Variants in RASSF3 observed in about 807,000 individuals in gnomAD.
RASSF3 encodes ras association domain-containing protein 3.
RASSF3 carries 19 observed loss-of-function variants against 19.9 expected under a neutral mutation model. The observed-to-expected ratio is 0.96, with a 90% CI of 0.67 to 1.40. The LOEUF is 1.40. RASSF3 is among the 40% of genes most tolerant of loss of function. The pLI is 0.00. For missense variants in RASSF3, 306 were observed against 289.8 expected (o/e 1.06, Z -0.41); for synonymous variants, 110 against 104.2 (o/e 1.06, Z -0.34).
chr12:64,691,104 C>T (rs1045683591), intron 3 of RASSF3, among the ~76,000 whole-genome samples: 2 of 151,824 alleles, frequency 1.3e-5, no homozygotes, highest in African/African-American at 2.4e-5. Context: ...TCAGGTGACC[C>T]GCCCACCTCG....
At chr12:64,558,499 G>A (rs766222451) in intron 2 of RASSF3, among the ~76,000 whole-genome samples, 4 of 152,134 alleles carry the variant, frequency 2.6e-5, no homozygotes, top group Non-Finnish European at 4.4e-5. Flanking sequence ...AGTTCATAGT[G>A]GGCAGTTCTG....
At chr12:64,638,865 C>G (rs1871415325) in intron 1 of RASSF3, among the ~76,000 whole-genome samples, 1 of 152,216 alleles carries the variant, frequency 6.6e-6, no homozygotes, top group South Asian at 2.1e-4. Flanking sequence ...AGCTGCTGAA[C>G]ACGCCATAGT....
intron 1 of RASSF3, among the ~76,000 whole-genome samples, chr12:64,650,272 G>A (rs1444960143): frequency 6.6e-6 from 1 of 152,186 alleles, no homozygotes; most frequent in African/African-American, 2.4e-5. Flanking sequence ...CAAAGAGGAA[G>A]CAGTGCCTCA....
At chr12:64,536,261 C>T (rs900875352) in intron 1 of RASSF3, among the ~76,000 whole-genome samples, 4 of 148,868 alleles carry the variant, frequency 2.7e-5, no homozygotes, top group African/African-American at 7.4e-5. Context: ...CTGCCCGCCT[C>T]GGCCTCCCAA....
At chr12:64,531,292 C>T (rs1868703640), upstream of RASSF3, among the ~76,000 whole-genome samples, 1 of 152,192 alleles carries the variant, frequency 6.6e-6, no homozygotes, top group Non-Finnish European at 1.5e-5. Flanking sequence ...ATTGTCCCAG[C>T]ACCATTTTTC....
intron 1 of RASSF3, chr12:64,622,555 A>T (rs1565852670): frequency 1.9e-6 from 1 of 518,176 alleles, no homozygotes; most frequent in Admixed American, 2.0e-5. Flanking sequence ...GGTTTTTGCC[A>T]TTACTTTCAG....
At chr12:64,641,414 A>ACACACACACACACATGCGCGCGCGCGCG in intron 1 of RASSF3, among the ~76,000 whole-genome samples, 23 of 142,194 alleles carry the variant, frequency 1.6e-4, no homozygotes, top group African/African-American at 6.4e-4. Context: ...ACACACACAC[A>ACACACACACACACATGCGCGCGCGCGCG]CGCGCGCGCG....
intron 2 of RASSF3, among the ~76,000 whole-genome samples, chr12:64,584,500 T>TATGA (rs769887317): frequency 2.1e-5 from 1 of 47,332 alleles, no homozygotes; most frequent in East Asian, 3.8e-4. Context: ...AGGTCCAGGC[T>TATGA]AAGAAAAAAA....
At chr12:64,524,618 T>TA (rs745638078) in intron 1 of RASSF3, among the ~76,000 whole-genome samples, 50 of 152,150 alleles carry the variant, frequency 3.3e-4, no homozygotes, top group Non-Finnish European at 4.7e-4. Context: ...TGCCCAGATC[T>TA]AAAAAAAGGG....
intron 1 of RASSF3, among the ~76,000 whole-genome samples, chr12:64,641,419 C>CACACACACACACAT (rs769330728): frequency 2.7e-3 from 400 of 150,754 alleles, no homozygotes; most frequent in Admixed American, 3.8e-3. Context: ...CACACACGCG[C>CACACACACACACAT]GCGCGCGCGT....
intron 1 of RASSF3, among the ~76,000 whole-genome samples, chr12:64,670,301 G>A (rs1229776888): frequency 6.7e-6 from 1 of 150,194 alleles, no homozygotes; most frequent in Admixed American, 6.6e-5. Context: ...ATTGCATTGT[G>A]TTTATTTTTA....
intron 1 of RASSF3, among the ~76,000 whole-genome samples, chr12:64,663,850 T>C (rs1057277020): frequency 2.2e-5 from 3 of 136,026 alleles, no homozygotes; most frequent in African/African-American, 1.1e-4. Context: ...CTTTTTTTTT[T>C]TTTTTTTTTT....
At chr12:64,601,673 C>T (rs894699019) in intron 2 of RASSF3, among the ~76,000 whole-genome samples, 3 of 151,482 alleles carry the variant, frequency 2.0e-5, no homozygotes, top group African/African-American at 4.9e-5. Context: ...AATTAGCTGG[C>T]GTGATGGTGC....
At chr12:64,637,439 T>TC (rs1348230200) in intron 1 of RASSF3, among the ~76,000 whole-genome samples, 1 of 151,414 alleles carries the variant, frequency 6.6e-6, no homozygotes, top group Admixed American at 6.6e-5. Context: ...TTTTTTTTTT[T>TC]TTGAGACAGA....
At chr12:64,518,603 G>T (rs1430016351) in intron 1 of RASSF3, among the ~76,000 whole-genome samples, 1 of 152,208 alleles carries the variant, frequency 6.6e-6, no homozygotes, top group Non-Finnish European at 1.5e-5. Flanking sequence ...ATTTGAAGGG[G>T]ACAAACATGC....
chr12:64,552,167 T>G (rs1319231603), intron 2 of RASSF3, among the ~76,000 whole-genome samples: 1 of 152,008 alleles, frequency 6.6e-6, no homozygotes, highest in African/African-American at 2.4e-5. Context: ...AAATTTACTT[T>G]GGGGAGCCAG....
At chr12:64,670,404 A>G (rs1409065471) in intron 1 of RASSF3, among the ~76,000 whole-genome samples, 3 of 147,722 alleles carry the variant, frequency 2.0e-5, no homozygotes, top group Non-Finnish European at 4.5e-5. Flanking sequence ...AAAGATGTAC[A>G]GACTGAGGAG....
intron 1 of RASSF3, chr12:64,541,505 CA>C: frequency 2.5e-6 from 1 of 397,590 alleles, no homozygotes. Flanking sequence ...GGAGGGGGTT[CA>C]ATTTCCCTTG....
rs183618528 is a variant in RASSF3, at chr12:64,597,970, T to C, written c.294+56265T>C. ...TCTCACTCTGTCACCCAGGCTGGAG[T>C]GCAGTGGTGCAATCTCAGTTTACTG... On this transcript the variant is annotated intron_variant, in intron 2 of 5. Transcript: ENST00000637125. Among the ~76,000 whole-genome samples the C allele has an allele frequency of 3.3e-5, 5 of 152,286 alleles. No individual in the cohort carries two copies. The East Asian group carries it at 7.7e-4, about 23-fold the overall frequency.
Sources: gnomAD v4.1 joint callset for allele counts (sites outside exome capture counted in the v4.1 genomes callset) on GRCh38, gnomAD v4.1.1 for gene constraint, MANE v1.5 for transcripts, NCBI Gene and HGNC (gene_info 2026-07-23, HGNC 2026-07-21) for gene names.